Variants in ANKS1B observed in about 807,000 individuals in gnomAD.
ANKS1B encodes the protein ankyrin repeat and sterile alpha motif domain-containing protein 1B.
ANKS1B carries 36 observed loss-of-function variants against 148.3 expected under a neutral mutation model. The ratio of observed to expected loss-of-function variants is 0.24; its 90% CI spans 0.19 to 0.32. The LOEUF (loss-of-function observed/expected upper bound fraction) is 0.32, where lower values mean the gene tolerates loss of function less well. Ranked by LOEUF, ANKS1B falls within the 10% of genes least tolerant of loss-of-function variation. The probability of loss-of-function intolerance (pLI) is 1.00; values close to 1 mark genes in which losing one functional copy is unlikely to be tolerated. For missense variants in ANKS1B, 1,157 were observed against 1,542.6 expected, an observed-to-expected ratio of 0.75 and a Z score of 4.19; for synonymous variants, 542 against 560.8, an observed-to-expected ratio of 0.97 and a Z score of 0.47.
chr12:99,189,066 C>CATAATACATAAATAAA (rs2080282164), intron 14 of ANKS1B, among the ~76,000 whole-genome samples: 1 of 152,200 alleles, frequency 6.6e-6, no homozygotes, highest in Admixed American at 6.5e-5. Flanking sequence ...ATAAACACCT[C>CATAATACATAAATAAA]TACATAAATA....
At chr12:98,843,748 A>T (rs1399278846) in intron 17 of ANKS1B, among the ~76,000 whole-genome samples, 4 of 152,192 alleles carry the variant, frequency 2.6e-5, no homozygotes, top group African/African-American at 9.6e-5. Context: ...AAGCAGTGAA[A>T]CTATCTAGCT....
chr12:98,767,420 G>A (rs936236246), intron 25 of ANKS1B, among the ~76,000 whole-genome samples: 5 of 150,022 alleles, frequency 3.3e-5, no homozygotes, highest in Admixed American at 2.6e-4. Context: ...TCTCCCACAC[G>A]TCCCACCCAC....
intron 11 of ANKS1B, among the ~76,000 whole-genome samples, chr12:99,424,582 A>T (rs115283950): frequency 0.015 from 2,258 of 151,768 alleles, 71 homozygotes; most frequent in African/African-American, 0.052. Context: ...TTTTATGTGT[A>T]CTATTTTATT....
At chr12:99,838,276 TG>T (rs2085163404) in intron 1 of ANKS1B, among the ~76,000 whole-genome samples, 1 of 152,190 alleles carries the variant, frequency 6.6e-6, no homozygotes, top group Non-Finnish European at 1.5e-5. Context: ...TATTTTCATT[TG>T]GATAGATACC....
intron 12 of ANKS1B, among the ~76,000 whole-genome samples, chr12:99,264,218 A>G (rs1274472620): frequency 6.6e-6 from 1 of 152,164 alleles, no homozygotes; most frequent in Admixed American, 6.5e-5. Flanking sequence ...GCTCATAAAC[A>G]AACAATGAGA....
intron 11 of ANKS1B, among the ~76,000 whole-genome samples, chr12:99,426,217 AAT>A (rs573463443): frequency 3.0e-3 from 464 of 152,240 alleles, no homozygotes; most frequent in Middle Eastern, 0.01. Flanking sequence ...ACTTTTTTGA[AAT>A]AGTCTTTTTC....
intron 8 of ANKS1B, among the ~76,000 whole-genome samples, chr12:99,723,780 G>A (rs1376496322): frequency 6.6e-6 from 1 of 152,148 alleles, no homozygotes; most frequent in Non-Finnish European, 1.5e-5. Context: ...AGAGTTCCCA[G>A]AGGAAGGAGG....
chr12:98,932,967 A>C (rs2099815025), intron 17 of ANKS1B, among the ~76,000 whole-genome samples: 2 of 152,182 alleles, frequency 1.3e-5, no homozygotes, highest in African/African-American at 4.8e-5. Context: ...TAAAAATTCC[A>C]TTCTATTGTG....
At chr12:99,308,811 G>T (rs987405860) in intron 12 of ANKS1B, among the ~76,000 whole-genome samples, 19 of 150,992 alleles carry the variant, frequency 1.3e-4, no homozygotes, top group African/African-American at 4.1e-4. Flanking sequence ...TTCCACAAAT[G>T]TCTTTCACAC....
intron 1 of ANKS1B, among the ~76,000 whole-genome samples, chr12:99,872,464 T>C (rs552458142): frequency 6.6e-6 from 1 of 152,200 alleles, no homozygotes; most frequent in South Asian, 2.1e-4. Flanking sequence ...ATCACCAATG[T>C]GAAACAAATA....
At chr12:98,763,151 T>A (rs927234349) in intron 25 of ANKS1B, among the ~76,000 whole-genome samples, 1 of 152,240 alleles carries the variant, frequency 6.6e-6, no homozygotes, top group Non-Finnish European at 1.5e-5. Flanking sequence ...CATTTCTTTT[T>A]AGGCTATATT....
chr12:98,919,506 C>T (rs1424264044), intron 17 of ANKS1B, among the ~76,000 whole-genome samples: 1 of 152,214 alleles, frequency 6.6e-6, no homozygotes, highest in Non-Finnish European at 1.5e-5. Context: ...TCTACCTAAA[C>T]TCTTACAAGG....
chr12:99,762,887 G>GA (rs1239957105), intron 8 of ANKS1B, among the ~76,000 whole-genome samples: 1 of 151,800 alleles, frequency 6.6e-6, no homozygotes, highest in African/African-American at 2.4e-5. Context: ...ATAAGTATGT[G>GA]AAAAAAATCC....
At chr12:98,859,710 A>G (rs1384260132) in intron 17 of ANKS1B, among the ~76,000 whole-genome samples, 2 of 152,246 alleles carry the variant, frequency 1.3e-5, no homozygotes, top group Non-Finnish European at 2.9e-5. Context: ...GATACAGCCC[A>G]GGAGATATAA....
intron 2 of ANKS1B, among the ~76,000 whole-genome samples, chr12:99,813,938 C>T (rs2068759577): frequency 1.3e-5 from 2 of 151,606 alleles, no homozygotes; most frequent in African/African-American, 2.4e-5. Context: ...ACAGACCATC[C>T]GCATATATAA....
At chr12:99,611,693 GA>G (rs2097903828) in intron 9 of ANKS1B, among the ~76,000 whole-genome samples, 1 of 152,016 alleles carries the variant, frequency 6.6e-6, no homozygotes, top group East Asian at 1.9e-4. Context: ...GCCCATTTGA[GA>G]TTTTTTAGAA....
intron 1 of ANKS1B, among the ~76,000 whole-genome samples, chr12:99,842,376 T>G (rs568320703): frequency 6.6e-6 from 1 of 152,276 alleles, no homozygotes; most frequent in Non-Finnish European, 1.5e-5. Flanking sequence ...ATGTTACATG[T>G]GACAAAAGTT....
intron 1 of ANKS1B, among the ~76,000 whole-genome samples, chr12:99,971,708 T>G (rs535714626): frequency 9.9e-5 from 15 of 152,282 alleles, no homozygotes; most frequent in African/African-American, 3.6e-4. Flanking sequence ...ACATAAGTTT[T>G]AGGAATAACC....
chr12:99,027,655 A>C lies in ANKS1B; in HGVS notation c.2778+25502T>G, dbSNP rs138661300. On this transcript the variant is annotated intron_variant, in intron 17 of 26. Coordinates refer to ENST00000683438, the MANE Select transcript of ANKS1B (RefSeq NM_001352186.2). ...TGTTAAGGAACCATGACTCACCCCGAAGGGTGCCAGACTGAGTCTGTGGCC... is the reference window on the plus strand; with the variant it reads ...TGTTAAGGAACCATGACTCACCCCGCAGGGTGCCAGACTGAGTCTGTGGCC... Among the ~76,000 whole-genome samples, 752 of 152,348 alleles carry C rather than the reference A, an allele frequency of 4.9e-3. 2 individuals carry two copies. The highest frequency in any genetic ancestry group is 0.017 in the African/African-American group (706 of 41,574).
Sources: gnomAD v4.1 joint callset for allele counts (sites outside exome capture counted in the v4.1 genomes callset) on GRCh38, gnomAD v4.1.1 for gene constraint, MANE v1.5 for transcripts, NCBI Gene and HGNC (gene_info 2026-07-23, HGNC 2026-07-21) for gene names.